Variants in EFHD1 observed in about 807,000 individuals in gnomAD.
The protein encoded by EFHD1 is EF-hand domain family member D1.
Under a neutral mutation model 17.2 loss-of-function variants are expected in EFHD1, and 10 were observed. That is an observed-to-expected ratio of 0.58 (90% CI 0.36 to 0.99). EFHD1 has a LOEUF of 0.99. Among genes scored for constraint, EFHD1 ranks in the 50% least tolerant of loss-of-function variants. The probability of loss-of-function intolerance (pLI) is 0.01; values close to 1 mark genes in which losing one functional copy is unlikely to be tolerated. For synonymous variants in EFHD1, 153 were observed against 142.0 expected (o/e 1.08, Z -0.55); for missense variants, 310 against 327.5 (o/e 0.95, Z 0.41).
At chr2:232,648,598 C>T (rs540075528) in intron 1 of EFHD1, among the ~76,000 whole-genome samples, 32 of 152,054 alleles carry the variant, frequency 2.1e-4, no homozygotes, top group Non-Finnish European at 4.1e-4. Context: ...ATAGGGTAAC[C>T]CCAGGAGGGC....
At chr2:232,654,060 A>G (rs957075756) in intron 1 of EFHD1, among the ~76,000 whole-genome samples, 1 of 151,984 alleles carries the variant, frequency 6.6e-6, no homozygotes, top group African/African-American at 2.4e-5. Context: ...TACAGAAATT[A>G]GGTGGGTGTG....
At position 232,682,659 on chromosome 2, in the gene EFHD1, G is replaced by A. The variant is rs1695313318; in HGVS notation, c.*940G>A. ...TTATCCCCCATACTTGTGAGTTCTT[G>A]GGGTTGCTCACAAATACTAGGGGTT... On this transcript the variant is annotated 3_prime_UTR_variant, in exon 4 of 4. Transcript: ENST00000264059. The A allele has an allele frequency of 6.6e-6, 1 of 152,094 alleles. No individual in the cohort carries two copies. The allele number at this position is 152,094 out of a possible 1,614,324, so 9.4% of individuals were successfully genotyped here.
chr2:232,670,406 A>C (rs1350819477), intron 2 of EFHD1, among the ~76,000 whole-genome samples: 2 of 151,842 alleles, frequency 1.3e-5, no homozygotes, highest in Admixed American at 1.3e-4. Flanking sequence ...GAGCCATTGC[A>C]CTCCAGCCTG....
chr2:232,657,088 C>T (rs1694777074), intron 1 of EFHD1, among the ~76,000 whole-genome samples: 1 of 152,196 alleles, frequency 6.6e-6, no homozygotes, highest in Non-Finnish European at 1.5e-5. Context: ...CAAAATTCAC[C>T]ATTTTTAACC....
At chr2:232,642,306 C>G (rs1244110324) in intron 1 of EFHD1, among the ~76,000 whole-genome samples, 1 of 145,898 alleles carries the variant, frequency 6.9e-6, no homozygotes, top group Non-Finnish European at 1.5e-5. Context: ...TCACTTGAAC[C>G]TGCAAAGCAG....
intron 1 of EFHD1, among the ~76,000 whole-genome samples, chr2:232,644,389 C>T (rs1029782924): frequency 6.6e-6 from 1 of 152,116 alleles, no homozygotes; most frequent in African/African-American, 2.4e-5. Context: ...GGTCCTCATT[C>T]CTTTAGTGGC....
intron 1 of EFHD1, 88 bp downstream of exon 1, chr2:232,634,094 T>C (rs1694267380): frequency 6.5e-7 from 1 of 1,538,008 alleles, no homozygotes; most frequent in South Asian, 1.2e-5. Context: ...CCTGTTTGTG[T>C]GGGGAGGGGT....
At chr2:232,667,536 AATTAATTT>A (rs1192352241) in intron 2 of EFHD1, among the ~76,000 whole-genome samples, 3 of 150,474 alleles carry the variant, frequency 2.0e-5, no homozygotes, top group Non-Finnish European at 4.4e-5. Context: ...TTAATTAATT[AATTAATTT>A]ATTTATTTAT....
intron 2 of EFHD1, among the ~76,000 whole-genome samples, chr2:232,670,537 G>A (rs1240260311): frequency 6.6e-6 from 1 of 152,144 alleles, no homozygotes; most frequent in African/African-American, 2.4e-5. Context: ...TCTGGAGGAG[G>A]AGGGTGGATT....
chr2:232,675,654 G>A (rs1173456649), intron 3 of EFHD1, among the ~76,000 whole-genome samples: 1 of 152,170 alleles, frequency 6.6e-6, no homozygotes, highest in Non-Finnish European at 1.5e-5. Context: ...ATCGGGGTGG[G>A]CACTACCAGG....
intron 3 of EFHD1, among the ~76,000 whole-genome samples, chr2:232,673,284 T>C (rs1208780599): frequency 6.6e-6 from 1 of 152,164 alleles, no homozygotes; most frequent in African/African-American, 2.4e-5. Context: ...GTATATAACA[T>C]GCAGATGTCT....
intron 3 of EFHD1, among the ~76,000 whole-genome samples, chr2:232,672,662 CT>C (rs1249572750): frequency 2.6e-5 from 4 of 152,278 alleles, no homozygotes; most frequent in Admixed American, 2.6e-4. Context: ...GCCTCGGTGT[CT>C]TCATCTGTAT....
At chr2:232,609,496 C>T (rs1693774789) in intron 1 of EFHD1, among the ~76,000 whole-genome samples, 1 of 152,030 alleles carries the variant, frequency 6.6e-6, no homozygotes, top group South Asian at 2.1e-4. Flanking sequence ...GTTGCAGTGC[C>T]TAAGTGTGCC....
chr2:232,657,895 T>TTTTC (rs1255920380), intron 1 of EFHD1, among the ~76,000 whole-genome samples: 1 of 131,840 alleles, frequency 7.6e-6, no homozygotes, highest in African/African-American at 2.7e-5. Context: ...TTTTTCTTTC[T>TTTTC]TTTCTTTTTT....
intron 3 of EFHD1, among the ~76,000 whole-genome samples, chr2:232,677,584 A>G (rs1286974781): frequency 6.6e-6 from 1 of 152,074 alleles, no homozygotes; most frequent in Non-Finnish European, 1.5e-5. Context: ...TTAGCTGGGT[A>G]TGGCGGTGCA....
chr2:232,661,069 A>G (rs1268418475), intron 1 of EFHD1, among the ~76,000 whole-genome samples: 1 of 151,802 alleles, frequency 6.6e-6, no homozygotes, highest in Non-Finnish European at 1.5e-5. Context: ...AAACGCTTGA[A>G]CCTGAGAGGC....
At chr2:232,676,753 G>A (rs190624113) in intron 3 of EFHD1, among the ~76,000 whole-genome samples, 41 of 152,320 alleles carry the variant, frequency 2.7e-4, no homozygotes, top group Non-Finnish European at 4.7e-4. Context: ...AGGACTGTGG[G>A]GAAGGCTGGC....
chr2:232,671,497 G>A (rs1010172768), intron 2 of EFHD1, among the ~76,000 whole-genome samples: 6 of 151,180 alleles, frequency 4.0e-5, no homozygotes, highest in Middle Eastern at 6.9e-3. Context: ...AGGCCGAGGC[G>A]GGCGGATTAC....
At chr2:232,606,103 T>A in exon 1 of EFHD1, 1 of 1,544,374 alleles carries the variant, frequency 6.5e-7, no homozygotes, top group Non-Finnish European at 8.8e-7. Context: ...CTTGCCTTTC[T>A]CCGTACTGTC....
Sources: gnomAD v4.1 joint callset for allele counts (sites outside exome capture counted in the v4.1 genomes callset) on GRCh38, gnomAD v4.1.1 for gene constraint, MANE v1.5 for transcripts, NCBI Gene and HGNC (gene_info 2026-07-23, HGNC 2026-07-21) for gene names.